Variants in NBEA observed in about 807,000 individuals in gnomAD.
NBEA encodes neurobeachin, also known as lysosomal-trafficking regulator 2.
Under a neutral mutation model 343.4 loss-of-function variants are expected in NBEA, and 44 were observed. The observed-to-expected ratio is 0.13, with a 90% CI of 0.10 to 0.16. NBEA has a LOEUF of 0.16. NBEA is among the 10% of genes least tolerant of loss of function. NBEA has a pLI of 1.00. For missense variants in NBEA, 2,555 were observed against 3,631.3 expected (o/e 0.70, Z 7.62); for synonymous variants, 1,175 against 1,238.7 (o/e 0.95, Z 1.08).
intron 48 of NBEA, among the ~76,000 whole-genome samples, chr13:35,620,446 G>T (rs1469131386): frequency 1.3e-5 from 2 of 152,156 alleles, no homozygotes; most frequent in African/African-American, 4.8e-5. Context: ...CAGGGATGTG[G>T]TTGGCAAGGA....
chr13:35,177,386 C>A (rs376487281), intron 28 of NBEA, among the ~76,000 whole-genome samples: 4 of 151,956 alleles, frequency 2.6e-5, no homozygotes, highest in African/African-American at 9.6e-5. Context: ...CTTGTATCAA[C>A]TACTCCTCTC....
At chr13:35,088,314 AG>A (rs763321166) in intron 10 of NBEA, among the ~76,000 whole-genome samples, 3 of 151,930 alleles carry the variant, frequency 2.0e-5, no homozygotes, top group Non-Finnish European at 4.4e-5. Context: ...AACTCAATAT[AG>A]GGACTTTGGA....
chr13:35,187,942 C>T (rs1348518332), intron 30 of NBEA, among the ~76,000 whole-genome samples: 1 of 151,860 alleles, frequency 6.6e-6, no homozygotes, highest in African/African-American at 2.4e-5. Flanking sequence ...GCTCTTTTCC[C>T]TGTTTTCTGT....
At chr13:35,044,064 CAG>C (rs1385272856) in intron 2 of NBEA, among the ~76,000 whole-genome samples, 9 of 152,034 alleles carry the variant, frequency 5.9e-5, no homozygotes, top group Non-Finnish European at 1.3e-4. Flanking sequence ...AGAAAGCAAT[CAG>C]AGACAAGAGA....
intron 51 of NBEA, among the ~76,000 whole-genome samples, chr13:35,648,083 TC>T (rs1342302889): frequency 1.3e-5 from 2 of 151,736 alleles, no homozygotes; most frequent in African/African-American, 4.8e-5. Context: ...TTGCTGTGTT[TC>T]CCAGGCTGGT....
intron 34 of NBEA, among the ~76,000 whole-genome samples, chr13:35,260,943 T>C (rs1256231015): frequency 6.6e-6 from 1 of 152,170 alleles, no homozygotes; most frequent in Non-Finnish European, 1.5e-5. Flanking sequence ...AAAAGTATCT[T>C]CAAAATAGGC....
rs547660036 is a variant in NBEA, at chr13:35,620,657, G to T, written c.7450-7424G>T. On this transcript the variant is annotated intron_variant, in intron 48 of 58. Coordinates refer to ENST00000379939, the MANE Select transcript of NBEA (RefSeq NM_001385012.1). ...CTTATGTTTTGAAGGGATCACTCTG[G>T]CTGCAGTGTTGGGAATGAATGATTC... Among the ~76,000 whole-genome samples, 44 of 152,282 alleles carry T rather than the reference G, an allele frequency of 2.9e-4. No homozygotes were observed. The South Asian group carries it at 6.4e-3, about 22-fold the overall frequency.
rs1352169706 is a variant in NBEA at position 35,531,423 on chromosome 13, C to T, written c.6586-19054C>T. ...ATTTGTCTAAATAATCTTAGTGTTG[C>T]TGTTAGCTATATTTCCTTTCACATG... On this transcript the variant is annotated intron_variant, in intron 41 of 58. Coordinates refer to ENST00000379939, the MANE Select transcript of NBEA (RefSeq NM_001385012.1). Among the ~76,000 whole-genome samples, 6 of 151,998 alleles carry T rather than the reference C, an allele frequency of 3.9e-5. No individual in the cohort carries two copies. In the East Asian group the frequency reaches 1.2e-3, roughly 29 times the overall value.
intron 33 of NBEA, among the ~76,000 whole-genome samples, chr13:35,224,837 G>C (rs147284151): frequency 4.8e-4 from 73 of 152,210 alleles, no homozygotes; most frequent in African/African-American, 1.6e-3. Flanking sequence ...ATCATGTATA[G>C]GATAGTAGTT....
intron 39 of NBEA, among the ~76,000 whole-genome samples, chr13:35,446,219 A>T (rs1029512768): frequency 5.3e-5 from 8 of 152,174 alleles, no homozygotes; most frequent in Middle Eastern, 6.8e-3. Flanking sequence ...TCTATCATTG[A>T]TGGACATTTG....
At chr13:35,119,481 A>C (rs1285805268) in intron 16 of NBEA, among the ~76,000 whole-genome samples, 1 of 152,184 alleles carries the variant, frequency 6.6e-6, no homozygotes. Flanking sequence ...CTTTATGCAT[A>C]TCTCAGTTGT....
intron 36 of NBEA, among the ~76,000 whole-genome samples, chr13:35,326,836 C>G (rs887013491): frequency 6.6e-6 from 1 of 151,898 alleles, no homozygotes; most frequent in African/African-American, 2.4e-5. Flanking sequence ...TAACTGTCAA[C>G]AAAGTAAACA....
chr13:35,326,436 T>A (rs1446285271), intron 36 of NBEA, among the ~76,000 whole-genome samples: 1 of 152,068 alleles, frequency 6.6e-6, no homozygotes, highest in Non-Finnish European at 1.5e-5. Context: ...GGCTCAAAAC[T>A]TGAATGTTAT....
intron 46 of NBEA, among the ~76,000 whole-genome samples, chr13:35,589,711 T>C (rs911923765): frequency 6.6e-6 from 1 of 152,120 alleles, no homozygotes; most frequent in Non-Finnish European, 1.5e-5. Context: ...ATGGAATTAG[T>C]TGATCTGTAA....
At chr13:34,974,936 A>G (rs900287891) in intron 1 of NBEA, among the ~76,000 whole-genome samples, 4 of 152,172 alleles carry the variant, frequency 2.6e-5, no homozygotes, top group Non-Finnish European at 4.4e-5. Flanking sequence ...GTCAGGAGAA[A>G]AAATAGAACA....
At chr13:35,221,628 A>AT (rs954451175) in intron 33 of NBEA, among the ~76,000 whole-genome samples, 19 of 152,018 alleles carry the variant, frequency 1.2e-4, no homozygotes, top group Non-Finnish European at 2.2e-4. Flanking sequence ...AAAAAAATGT[A>AT]TTTTTTTCTA....
intron 45 of NBEA, among the ~76,000 whole-genome samples, 171 bp from the exon 46 acceptor site, chr13:35,583,727 G>A (rs1019335671): frequency 6.6e-6 from 1 of 152,126 alleles, no homozygotes; most frequent in Admixed American, 6.5e-5. Context: ...CAAGTGTAAT[G>A]ATTTGTAATT....
chr13:35,452,085 T>C lies in NBEA; in HGVS notation c.6305-7T>C. The C allele has an allele frequency of 6.2e-7, 1 of 1,604,652 alleles. No individual in the cohort carries two copies. Among genetic ancestry groups the C allele is most frequent in the Non-Finnish European group, 8.5e-7 (1 of 1,175,108 alleles). On this transcript the variant is annotated splice_polypyrimidine_tract_variant and splice_region_variant and intron_variant, in intron 39 of 58. Coordinates refer to ENST00000379939, the MANE Select transcript of NBEA (RefSeq NM_001385012.1). ...AACCTAAATGATTATATTTTTGTTG[T>C]GATTAGGCACGGAAGAAGATGTAGT...
rs552706153 is a variant in NBEA, at chr13:34,992,222, A to ATGTG, written c.295-48697_295-48694dup. Among the ~76,000 whole-genome samples, 705 of 122,614 alleles carry ATGTG rather than the reference A, an allele frequency of 5.7e-3. 5 individuals are homozygous for ATGTG. The highest frequency in any genetic ancestry group is 0.013 in the Admixed American group (136 of 10,844). The allele number at this position is 122,614 out of a possible 152,430, so 80.4% of individuals were successfully genotyped here. A position where few individuals can be genotyped will look rare whatever the true frequency, so the allele number is the denominator to read the frequency against. ...TATGTGTGTGTGTGTGTGTGTGTAT[A>ATGTG]TGTGTGTGTGTGTGTGTATATATAT... On this transcript the variant is annotated intron_variant, in intron 1 of 58. Transcript: ENST00000379939.
Sources: allele counts gnomAD v4.1 joint callset (sites outside exome capture counted in the v4.1 genomes callset), GRCh38; gene constraint gnomAD v4.1.1; transcripts MANE v1.5; gene names NCBI Gene and HGNC (gene_info 2026-07-23, HGNC 2026-07-21).